Variants in BACH2 observed in about 807,000 individuals in gnomAD.
The protein encoded by BACH2 is transcription regulator protein BACH2.
A neutral mutation model predicts 61.8 loss-of-function variants in BACH2; 5 were observed. That is an observed-to-expected ratio of 0.08 (90% CI 0.04 to 0.17). The LOEUF (loss-of-function observed/expected upper bound fraction) is 0.17. Among genes scored for constraint, BACH2 ranks in the 10% least tolerant of loss-of-function variants. BACH2 has a pLI of 1.00. For synonymous variants in BACH2, 446 were observed against 440.1 expected, an observed-to-expected ratio of 1.01 and a Z score of -0.17; for missense variants, 824 against 1,091.1, an observed-to-expected ratio of 0.76 and a Z score of 3.45.
intron 2 of BACH2, among the ~76,000 whole-genome samples, chr6:90,257,943 T>A (rs1054179938): frequency 6.6e-6 from 1 of 152,088 alleles, no homozygotes; most frequent in Admixed American, 6.6e-5. Context: ...ACCCAGCTAA[T>A]TTTTGTATTT....
At chr6:90,284,003 T>A (rs780026943) in intron 1 of BACH2, among the ~76,000 whole-genome samples, 17 of 150,420 alleles carry the variant, frequency 1.1e-4, no homozygotes, top group Non-Finnish European at 1.5e-4. Context: ...CAAGACTCCA[T>A]CTCAAAATAA....
At chr6:90,103,027 ATATTTTTT>A (rs1356301939) in intron 4 of BACH2, among the ~76,000 whole-genome samples, 14 of 24,474 alleles carry the variant, frequency 5.7e-4, no homozygotes, top group African/African-American at 3.0e-3. Flanking sequence ...ATATATATAT[ATATTTTTT>A]TTTTTTTTTT....
intron 6 of BACH2, among the ~76,000 whole-genome samples, chr6:89,962,767 A>C (rs1020799931): frequency 1.3e-5 from 2 of 152,242 alleles, no homozygotes; most frequent in African/African-American, 4.8e-5. Flanking sequence ...ATAAAACTCT[A>C]GAAGAAAACA....
At chr6:90,138,053 A>AACACACACACAC (rs10602894) in intron 4 of BACH2, among the ~76,000 whole-genome samples, 32 of 143,662 alleles carry the variant, frequency 2.2e-4, no homozygotes, top group Middle Eastern at 7.0e-3. Flanking sequence ...CTAATCATAA[A>AACACACACACAC]ACACACACAC....
chr6:90,043,379 G>A (rs1369559494), intron 5 of BACH2, among the ~76,000 whole-genome samples: 1 of 152,112 alleles, frequency 6.6e-6, no homozygotes, highest in Non-Finnish European at 1.5e-5. Context: ...AAGCCATTTT[G>A]GCCATGTCTC....
chr6:89,944,222 T>C (rs552945017), intron 7 of BACH2, among the ~76,000 whole-genome samples: 1 of 152,368 alleles, frequency 6.6e-6, no homozygotes, highest in East Asian at 1.9e-4. Flanking sequence ...CACAGGGCGA[T>C]AACGCCTGCC....
chr6:90,235,320 C>T (rs911169964), intron 3 of BACH2, among the ~76,000 whole-genome samples: 8 of 152,202 alleles, frequency 5.3e-5, no homozygotes, highest in Non-Finnish European at 1.5e-5. Flanking sequence ...AACATCTTTG[C>T]TCTCGGTTTC....
At chr6:90,086,091 T>C (rs1337546019) in intron 5 of BACH2, among the ~76,000 whole-genome samples, 1 of 152,212 alleles carries the variant, frequency 6.6e-6, no homozygotes, top group Non-Finnish European at 1.5e-5. Context: ...ATATTTGCCT[T>C]TTTGTGTCTG....
At chr6:89,953,853 G>A (rs1318836485) in intron 6 of BACH2, among the ~76,000 whole-genome samples, 1 of 152,180 alleles carries the variant, frequency 6.6e-6, no homozygotes, top group Non-Finnish European at 1.5e-5. Context: ...AGGCAGGCAG[G>A]CAAGGGTCTT....
intron 6 of BACH2, among the ~76,000 whole-genome samples, chr6:89,977,753 A>G (rs1775732365): frequency 6.6e-6 from 1 of 150,386 alleles, no homozygotes; most frequent in African/African-American, 2.4e-5. Flanking sequence ...TTGCTGAGAT[A>G]CAAGGCGGTT....
At chr6:89,971,201 A>G (rs569690550) in intron 6 of BACH2, among the ~76,000 whole-genome samples, 45 of 152,210 alleles carry the variant, frequency 3.0e-4, no homozygotes, top group Non-Finnish European at 5.4e-4. Context: ...GACGACAAGC[A>G]TGCAGCCCCA....
intron 3 of BACH2, among the ~76,000 whole-genome samples, chr6:90,212,899 C>T (rs1286951788): frequency 6.6e-6 from 1 of 152,178 alleles, no homozygotes; most frequent in Non-Finnish European, 1.5e-5. Flanking sequence ...TTCATACACC[C>T]ACTTCTGGCA....
chr6:90,111,183 C>G (rs1582375153), intron 4 of BACH2, among the ~76,000 whole-genome samples: 1 of 152,140 alleles, frequency 6.6e-6, no homozygotes, highest in East Asian at 1.9e-4. Context: ...CTGATAAGAT[C>G]TTGCGGGCCC....
At chr6:89,959,024 G>A (rs1406309669) in intron 6 of BACH2, among the ~76,000 whole-genome samples, 2 of 151,634 alleles carry the variant, frequency 1.3e-5, no homozygotes, top group East Asian at 1.9e-4. Context: ...TGAGCATGGG[G>A]CCCTGTGCAA....
intron 4 of BACH2, among the ~76,000 whole-genome samples, chr6:90,146,064 C>T (rs538587837): frequency 2.6e-5 from 4 of 152,314 alleles, no homozygotes; most frequent in African/African-American, 9.6e-5. Flanking sequence ...GACTTATGTG[C>T]ATGTGCACAG....
intron 1 of BACH2, 32 bp downstream of exon 1, chr6:90,296,448 G>GCGGGGCCCGGGGCC (rs887907610): frequency 6.6e-6 from 1 of 150,910 alleles, no homozygotes; most frequent in Admixed American, 6.6e-5. Flanking sequence ...CCGCCCAGCG[G>GCGGGGCCCGGGGCC]CGGGGCCCGG....
At chr6:90,271,173 T>C (rs1166140930) in intron 2 of BACH2, among the ~76,000 whole-genome samples, 1 of 152,002 alleles carries the variant, frequency 6.6e-6, no homozygotes, top group Non-Finnish European at 1.5e-5. Context: ...AAAAAGTTCA[T>C]GCCTAAGAAC....
intron 6 of BACH2, among the ~76,000 whole-genome samples, chr6:89,997,304 T>A (rs1174647381): frequency 6.6e-6 from 1 of 152,190 alleles, no homozygotes; most frequent in Non-Finnish European, 1.5e-5. Context: ...ATTTAACTCA[T>A]CCAAAAAAAT....
At chr6:90,078,515 G>T (rs1483882071) in intron 5 of BACH2, among the ~76,000 whole-genome samples, 6 of 152,146 alleles carry the variant, frequency 3.9e-5, no homozygotes, top group African/African-American at 1.4e-4. Context: ...CTGAACCAGA[G>T]GCTGATCTTT....
Sources: allele counts gnomAD v4.1 joint callset (sites outside exome capture counted in the v4.1 genomes callset), GRCh38; gene constraint gnomAD v4.1.1; transcripts MANE v1.5; gene names NCBI Gene and HGNC (gene_info 2026-07-23, HGNC 2026-07-21).